Variants in TPO observed in about 807,000 individuals in gnomAD.
TPO encodes thyroid microsomal antigen.
In TPO, 78 loss-of-function variants were observed where a neutral mutation model predicts 96.9. That is an observed-to-expected ratio of 0.81 (90% CI 0.67 to 0.97). The LOEUF (loss-of-function observed/expected upper bound fraction) is 0.97. Among genes scored for constraint, TPO ranks in the 50% least tolerant of loss-of-function variants. The pLI, the probability that TPO is intolerant of heterozygous loss-of-function variation, is 0.00. For synonymous variants in TPO, 547 were observed against 538.0 expected (o/e 1.02, Z -0.23); for missense variants, 1,252 against 1,274.8 (o/e 0.98, Z 0.27).
chr2:1,435,819 G>C (rs1407378813), intron 4 of TPO, among the ~76,000 whole-genome samples: 1 of 152,122 alleles, frequency 6.6e-6, no homozygotes, highest in Non-Finnish European at 1.5e-5. Context: ...TTCTACATTA[G>C]GGTTCGGGAT....
intron 3 of TPO, among the ~76,000 whole-genome samples, chr2:1,430,086 G>C (rs939680503): frequency 6.6e-6 from 1 of 152,200 alleles, no homozygotes; most frequent in African/African-American, 2.4e-5. Context: ...CTCGAAGAAA[G>C]CATGGTATAA....
intron 2 of TPO, among the ~76,000 whole-genome samples, chr2:1,418,147 C>CGTG (rs1663121722): frequency 6.6e-6 from 1 of 152,024 alleles, no homozygotes; most frequent in Non-Finnish European, 1.5e-5. Flanking sequence ...ATTAGCTGGG[C>CGTG]GTGGTGGTGC....
At chr2:1,396,857 T>C (rs972630510) in intron 1 of TPO, among the ~76,000 whole-genome samples, 1 of 152,198 alleles carries the variant, frequency 6.6e-6, no homozygotes, top group Non-Finnish European at 1.5e-5. Flanking sequence ...AATTTTAAAA[T>C]AAAGCCGCAG....
Position 1,413,539 on chromosome 2 carries a change from A to T in TPO, c.-8A>T. 2.2e-6 allele frequency: 1 copy of T among 446,414 alleles called. No individual in the cohort carries two copies. The highest frequency in any genetic ancestry group is 9.4e-5 in the South Asian group (1 of 10,666). The allele number at this position is 446,414 out of a possible 1,614,324, so 27.7% of individuals were successfully genotyped here. A position where few individuals can be genotyped will look rare whatever the true frequency, so the allele number is the denominator to read the frequency against. ...AGCAGTGCAGTTGGCTGAGAAGAGG[A>T]AAAAAGGTCAGGTTGTAAAGCTTTT... On this transcript the variant is annotated 5_prime_UTR_variant, in exon 1 of 17. Transcript: ENST00000329066.
intron 15 of TPO, among the ~76,000 whole-genome samples, chr2:1,529,275 T>TC (rs1185106203): frequency 9.6e-5 from 4 of 41,826 alleles, no homozygotes; most frequent in South Asian, 7.8e-4. Context: ...CCTCCTCAAA[T>TC]CCCCCCACTG....
intron 3 of TPO, 80 bp downstream of exon 3, chr2:1,423,209 A>T (rs1354555665): frequency 7.5e-7 from 1 of 1,339,706 alleles, no homozygotes; most frequent in Admixed American, 1.8e-5. Context: ...GTGTGGCCTG[A>T]TTTTCGCAAT....
intron 9 of TPO, among the ~76,000 whole-genome samples, chr2:1,486,038 A>C (rs1270741035): frequency 6.6e-6 from 1 of 152,192 alleles, no homozygotes; most frequent in East Asian, 1.9e-4. Context: ...TTTTAGGTCT[A>C]ACATTTAAGT....
intron 1 of TPO, among the ~76,000 whole-genome samples, chr2:1,392,522 A>G (rs534511484): frequency 1.8e-4 from 28 of 152,344 alleles, no homozygotes; most frequent in Non-Finnish European, 3.8e-4. Context: ...GCCTCATAAA[A>G]TGAGTTAGGG....
At chr2:1,527,655 C>G in intron 15 of TPO, among the ~76,000 whole-genome samples, 1 of 146,998 alleles carries the variant, frequency 6.8e-6, no homozygotes, top group Admixed American at 6.7e-5. Flanking sequence ...AAATCCCCCC[C>G]CAATCTGTGC....
chr2:1,405,494 CCCATTCAT>C (rs1662237647), intron 1 of TPO, among the ~76,000 whole-genome samples: 1 of 151,930 alleles, frequency 6.6e-6, no homozygotes, highest in African/African-American at 2.4e-5. Context: ...CATCCATTCA[CCCATTCAT>C]CCATCTATCC....
chr2:1,380,177 G>A (rs1005665423), intron 1 of TPO, among the ~76,000 whole-genome samples: 331 of 152,136 alleles, frequency 2.2e-3, no homozygotes, highest in Non-Finnish European at 3.2e-3. Flanking sequence ...GGCGGATCAT[G>A]AGGTCAGGAG....
intron 15 of TPO, among the ~76,000 whole-genome samples, chr2:1,523,836 A>G (rs1675774222): frequency 1.4e-5 from 1 of 72,002 alleles, no homozygotes; most frequent in African/African-American, 5.8e-5. Flanking sequence ...CAAACTCCTC[A>G]AATCCCCCCA....
intron 5 of TPO, among the ~76,000 whole-genome samples, chr2:1,437,262 T>C (rs1665670936): frequency 6.6e-6 from 1 of 152,028 alleles, no homozygotes. Context: ...TTGTGGCGCC[T>C]GTGGGGTCTG....
chr2:1,504,799 G>C (rs1673238019), intron 14 of TPO, among the ~76,000 whole-genome samples: 1 of 152,188 alleles, frequency 6.6e-6, no homozygotes, highest in Non-Finnish European at 1.5e-5. Context: ...GTAGCTGGCC[G>C]GGAATTTGTG....
At chr2:1,526,436 C>T (rs1331677174) in intron 15 of TPO, among the ~76,000 whole-genome samples, 2 of 121,446 alleles carry the variant, frequency 1.6e-5, no homozygotes, top group African/African-American at 3.2e-5. Flanking sequence ...AACCTCAAAT[C>T]CCCCAACTGT....
intron 14 of TPO, among the ~76,000 whole-genome samples, chr2:1,516,226 T>C (rs1309279659): frequency 6.6e-6 from 1 of 152,180 alleles, no homozygotes; most frequent in Non-Finnish European, 1.5e-5. Flanking sequence ...CTCTCTCCTC[T>C]GTCCCATCAG....
chr2:1,454,745 C>T (rs1667634907), intron 6 of TPO, among the ~76,000 whole-genome samples: 1 of 152,154 alleles, frequency 6.6e-6, no homozygotes. Flanking sequence ...CCAGTTCAAC[C>T]CCCGAGGCTT....
intron 1 of TPO, among the ~76,000 whole-genome samples, chr2:1,402,947 T>C (rs1445528354): frequency 6.6e-6 from 1 of 152,184 alleles, no homozygotes; most frequent in Non-Finnish European, 1.5e-5. Context: ...AATGTGTGAG[T>C]CCTTCATTTC....
intron 1 of TPO, among the ~76,000 whole-genome samples, chr2:1,375,408 G>A (rs1488069644): frequency 1.3e-5 from 2 of 152,064 alleles, no homozygotes; most frequent in East Asian, 3.9e-4. Flanking sequence ...ACAAACACAA[G>A]TCCCAGTGGG....
Sources: allele counts gnomAD v4.1 joint callset (sites outside exome capture counted in the v4.1 genomes callset), GRCh38; gene constraint gnomAD v4.1.1; transcripts MANE v1.5; gene names NCBI Gene and HGNC (gene_info 2026-07-23, HGNC 2026-07-21).